Variants in PEBP4 observed in about 807,000 individuals in gnomAD.
PEBP4 encodes phosphatidylethanolamine binding protein 4.
Under a neutral mutation model 23.9 loss-of-function variants are expected in PEBP4, and 22 were observed. The observed-to-expected ratio is 0.92, with a 90% confidence interval of 0.66 to 1.31. PEBP4 has a LOEUF of 1.31. Ranked by LOEUF, PEBP4 falls within the 40% of genes most tolerant of loss-of-function variation. The probability of loss-of-function intolerance (pLI) is 0.00; values close to 1 mark genes in which losing one functional copy is unlikely to be tolerated. For missense variants in PEBP4, 324 were observed against 281.7 expected (o/e 1.15, Z -1.07); for synonymous variants, 112 against 99.3 (o/e 1.13, Z -0.76).
intron 4 of PEBP4, among the ~76,000 whole-genome samples, chr8:22,798,191 T>A (rs1240044571): frequency 6.6e-6 from 1 of 152,144 alleles, no homozygotes; most frequent in East Asian, 1.9e-4. Context: ...ATCATGCTTT[T>A]TATTTTCTGG....
chr8:22,893,988 G>A (rs1233463028), intron 3 of PEBP4, among the ~76,000 whole-genome samples: 5 of 152,132 alleles, frequency 3.3e-5, no homozygotes, highest in Non-Finnish European at 7.4e-5. Flanking sequence ...AGACACATGA[G>A]AAAACTACAC....
chr8:22,735,736 G>C (rs1804847065), intron 4 of PEBP4, among the ~76,000 whole-genome samples: 1 of 152,222 alleles, frequency 6.6e-6, no homozygotes, highest in African/African-American at 2.4e-5. Context: ...GGCCCCAGCT[G>C]GGGGACACTG....
At chr8:22,733,715 T>G (rs1804786904) in intron 4 of PEBP4, among the ~76,000 whole-genome samples, 1 of 151,562 alleles carries the variant, frequency 6.6e-6, no homozygotes, top group Non-Finnish European at 1.5e-5. Flanking sequence ...ATCTTCTGCC[T>G]GGGTGCAAAC....
intron 4 of PEBP4, among the ~76,000 whole-genome samples, chr8:22,808,851 G>T (rs7826619): frequency 0.014 from 2,138 of 152,260 alleles, 58 homozygotes; most frequent in African/African-American, 0.048. Context: ...GATTTGATTT[G>T]ATTTTTTTAT....
intron 4 of PEBP4, among the ~76,000 whole-genome samples, chr8:22,791,490 G>C (rs565124209): frequency 6.6e-6 from 1 of 151,764 alleles, no homozygotes; most frequent in Non-Finnish European, 1.5e-5. Flanking sequence ...CCAAGGGTGC[G>C]ATCGACTACC....
intron 3 of PEBP4, chr8:22,896,253 T>G (rs1030678295): frequency 6.6e-6 from 1 of 152,208 alleles, no homozygotes; most frequent in Non-Finnish European, 1.5e-5. Context: ...GAGAAATACA[T>G]AGGCCACGGT....
chr8:22,845,007 C>A (rs117384130), intron 3 of PEBP4, among the ~76,000 whole-genome samples: 1 of 152,190 alleles, frequency 6.6e-6, no homozygotes, highest in Non-Finnish European at 1.5e-5. Flanking sequence ...GCAGGCAGGG[C>A]CCCCAGGAGC....
At chr8:22,875,435 C>A (rs1316789566) in intron 3 of PEBP4, among the ~76,000 whole-genome samples, 2 of 152,102 alleles carry the variant, frequency 1.3e-5, no homozygotes, top group African/African-American at 4.8e-5. Context: ...GTATTAAACC[C>A]AGTACCCAAT....
At chr8:22,863,500 G>C (rs1479987028) in intron 3 of PEBP4, among the ~76,000 whole-genome samples, 2 of 152,214 alleles carry the variant, frequency 1.3e-5, no homozygotes, top group African/African-American at 4.8e-5. Flanking sequence ...GGGAGGGTTA[G>C]CTTCTGGCTG....
At chr8:22,741,622 C>G (rs913549790) in intron 4 of PEBP4, among the ~76,000 whole-genome samples, 1 of 152,156 alleles carries the variant, frequency 6.6e-6, no homozygotes, top group Non-Finnish European at 1.5e-5. Flanking sequence ...CCCAGCGGAA[C>G]CTGGGTCACT....
At chr8:22,829,245 C>A (rs1387495399) in intron 3 of PEBP4, among the ~76,000 whole-genome samples, 2 of 152,162 alleles carry the variant, frequency 1.3e-5, no homozygotes, top group Admixed American at 6.5e-5. Flanking sequence ...AGTGCTGCAG[C>A]AGAAAGTCAC....
At chr8:22,845,837 A>AGGATC (rs1481243488) in intron 3 of PEBP4, among the ~76,000 whole-genome samples, 1 of 152,254 alleles carries the variant, frequency 6.6e-6, no homozygotes, top group African/African-American at 2.4e-5. Context: ...TCATCTGGAC[A>AGGATC]AGCTGCTCAG....
intron 4 of PEBP4, among the ~76,000 whole-genome samples, chr8:22,730,581 C>T (rs1264988830): frequency 1.3e-5 from 2 of 152,110 alleles, no homozygotes; most frequent in Non-Finnish European, 2.9e-5. Context: ...CTGCGATCAC[C>T]CTAGAAAGCT....
rs138042967 is a variant in PEBP4, at chr8:22,825,389, C to A, written c.259-7654G>T. 2.4e-3 allele frequency among the ~76,000 whole-genome samples: 359 copies of A among 152,272 alleles called. 2 individuals are homozygous for A. Among genetic ancestry groups the A allele is most frequent in the African/African-American group, 8.2e-3 (340 of 41,572 alleles). ...TTTAAGCATAGCCAAGACAGAAGAA[C>A]GTGCCATCAACACTTCCAACAAGGG... On this transcript the variant is annotated intron_variant, in intron 3 of 6. Transcript: ENST00000256404.
intron 3 of PEBP4, among the ~76,000 whole-genome samples, chr8:22,875,970 T>C (rs1243690976): frequency 6.6e-6 from 1 of 152,138 alleles, no homozygotes; most frequent in Non-Finnish European, 1.5e-5. Context: ...AGTGCAGTAG[T>C]GTGATCTTGG....
At chr8:22,797,750 G>A (rs928004249) in intron 4 of PEBP4, among the ~76,000 whole-genome samples, 2 of 152,168 alleles carry the variant, frequency 1.3e-5, no homozygotes, top group African/African-American at 4.8e-5. Context: ...ATGATGCAGT[G>A]TATCACGACT....
At chr8:22,840,718 T>A (rs1196817996) in intron 3 of PEBP4, among the ~76,000 whole-genome samples, 2 of 152,206 alleles carry the variant, frequency 1.3e-5, no homozygotes, top group African/African-American at 4.8e-5. Context: ...TGTTAAAGGC[T>A]AGTTACATCG....
intron 4 of PEBP4, among the ~76,000 whole-genome samples, chr8:22,738,266 T>C (rs1406869911): frequency 6.6e-6 from 1 of 152,194 alleles, no homozygotes; most frequent in Admixed American, 6.5e-5. Flanking sequence ...CCTCCATCCC[T>C]TGAAGACACA....
At chr8:22,807,914 C>T (rs141908694) in intron 4 of PEBP4, among the ~76,000 whole-genome samples, 37 of 149,240 alleles carry the variant, frequency 2.5e-4, no homozygotes, top group African/African-American at 8.6e-4. Context: ...CAACCTCTGT[C>T]CACCTATCCA....
Sources: allele counts gnomAD v4.1 joint callset (sites outside exome capture counted in the v4.1 genomes callset), GRCh38; gene constraint gnomAD v4.1.1; transcripts MANE v1.5; gene names NCBI Gene and HGNC (gene_info 2026-07-23, HGNC 2026-07-21).